ERO1A: variants seen among roughly 807,000 people sequenced by gnomAD.
The protein encoded by ERO1A is endoplasmic reticulum oxidoreductase 1 alpha.
Under a neutral mutation model 76.9 loss-of-function variants are expected in ERO1A, and 49 were observed. The ratio of observed to expected loss-of-function variants is 0.64; its 90% CI spans 0.51 to 0.81. The LOEUF is 0.81. ERO1A is among the 30% of genes least tolerant of loss of function. ERO1A has a pLI of 0.00. For synonymous variants in ERO1A, 174 were observed against 181.2 expected (o/e 0.96, Z 0.32); for missense variants, 448 against 542.1 (o/e 0.83, Z 1.72).
chr14:52,690,381 GTTA>G (rs2041315335), intron 1 of ERO1A, among the ~76,000 whole-genome samples: 1 of 152,194 alleles, frequency 6.6e-6, no homozygotes, highest in Non-Finnish European at 1.5e-5. Flanking sequence ...CTGACAAGAT[GTTA>G]TTATCCAAAA....
At chr14:52,692,974 T>C (rs1435113228) in intron 1 of ERO1A, among the ~76,000 whole-genome samples, 2 of 151,454 alleles carry the variant, frequency 1.3e-5, no homozygotes, top group Admixed American at 6.6e-5. Flanking sequence ...AGAATTGGAA[T>C]TGATAGTCTC....
intron 7 of ERO1A, among the ~76,000 whole-genome samples, chr14:52,664,728 G>C (rs4901292): frequency 2.0e-5 from 3 of 150,070 alleles, no homozygotes; most frequent in African/African-American, 7.3e-5. Flanking sequence ...GTCTCACTCT[G>C]TCACCCAGGC....
chr14:52,682,492 T>A, intron 2 of ERO1A, 84 bp from the exon 3 acceptor site: 2 of 1,024,742 alleles, frequency 2.0e-6, no homozygotes, highest in Non-Finnish European at 2.9e-6. Flanking sequence ...GTGCTATAAC[T>A]TGGTCATGTT....
intron 4 of ERO1A, 145 bp downstream of exon 4, chr14:52,678,289 A>C: frequency 1.9e-6 from 1 of 539,384 alleles, no homozygotes. Flanking sequence ...AACAAAAACA[A>C]ACAGAAAGAG....
At position 52,671,800 on chromosome 14, in the gene ERO1A, A is replaced by C; in HGVS notation, c.429T>G (p.Ser143=). 6.2e-7 allele frequency: 1 copy of C among 1,605,980 alleles called. No homozygotes were observed. The highest frequency in any genetic ancestry group is 8.5e-7 in the Non-Finnish European group (1 of 1,175,904). ...GCTGAAAAATAAAATCAAACCTCAG[A>C]GATTCATCCACTGCTCCAAGTCGTT... ...QAERLGAVDE[S]LSEETQKAVL... The change falls in exon 5 of 16, where the codon TCT becomes TCG. Residue 143 remains serine (S), a synonymous_variant. Transcript: ENST00000395686.
chr14:52,678,553 G>GT, intron 3 of ERO1A, 81 bp from the exon 4 acceptor site: 1 of 1,234,792 alleles, frequency 8.1e-7, no homozygotes, highest in South Asian at 1.3e-5. Context: ...TGATTTATGA[G>GT]AAAAATTCAT....
chr14:52,650,874 A>G (rs1288225123), intron 13 of ERO1A, among the ~76,000 whole-genome samples: 1 of 152,206 alleles, frequency 6.6e-6, no homozygotes, highest in Non-Finnish European at 1.5e-5. Flanking sequence ...AGACCCTATT[A>G]AGAGGCAAGG....
At position 52,640,255 on chromosome 14, in the gene ERO1A, G is replaced by GGAA. The variant is rs10684879; in HGVS notation, c.*3312_*3314dup. The GGAA allele has an allele frequency of 0.11, 17,021 of 152,242 alleles. 1,050 individuals are homozygous for GGAA. Among genetic ancestry groups the GGAA allele is most frequent in the East Asian group, 0.21 (1,067 of 5,174 alleles). 9.4% of individuals were successfully genotyped at this position (152,242 alleles called of 1,614,324 possible). A position where few individuals can be genotyped will look rare whatever the true frequency, so the allele number is the denominator to read the frequency against. The stretch of plus-strand genomic sequence containing the variant: ...GTAATTACAGTGGTGACACGAAAGT[G>GGAA]GAAGTTAGATGACTCTCCTTGAGTG... On this transcript the variant is annotated 3_prime_UTR_variant, in exon 16 of 16. Transcript: ENST00000395686.
chr14:52,687,303 G>C (rs1227716616), intron 1 of ERO1A, among the ~76,000 whole-genome samples: 1 of 152,086 alleles, frequency 6.6e-6, no homozygotes, highest in African/African-American at 2.4e-5. Context: ...GGTGGCATAC[G>C]CCTGCAGTCC....
At position 52,653,231 on chromosome 14, in the gene ERO1A, G is replaced by C. The variant is rs1442785730; in HGVS notation, c.893C>G (p.Pro298Arg). Residue 298 changes from proline (P) to arginine (R), a missense_variant, in exon 12 of 16, where the codon CCA (proline) becomes CGA (arginine). Pro to Arg is a moderately radical substitution (Grantham distance 103). Transcript: ENST00000395686. The stretch of plus-strand genomic sequence containing the variant: ...AAAATACAAGTTCTTAAGCCTTCTT[G>C]GACCTTCTCCTTCAGTCAAAATTCC... The part of the protein sequence containing the change: ...FDGILTEGEG[P>R]RRLKNLYFLY... 1 of 1,612,476 alleles carries C rather than the reference G, an allele frequency of 6.2e-7. No homozygotes were observed. Among genetic ancestry groups the C allele is most frequent in the Non-Finnish European group, 8.5e-7 (1 of 1,178,964 alleles).
At chr14:52,684,245 G>A (rs529907919) in intron 1 of ERO1A, among the ~76,000 whole-genome samples, 1 of 152,032 alleles carries the variant, frequency 6.6e-6, no homozygotes, top group South Asian at 2.1e-4. Context: ...CTCAAACCAG[G>A]TCATGGTCCC....
chr14:52,662,118 A>G (rs537399438), intron 8 of ERO1A, among the ~76,000 whole-genome samples: 1 of 152,262 alleles, frequency 6.6e-6, no homozygotes, highest in African/African-American at 2.4e-5. Context: ...AATATTTACA[A>G]TGGCTATTTT....
intron 15 of ERO1A, 64 bp downstream of exon 15, chr14:52,646,090 A>G: frequency 6.6e-7 from 1 of 1,508,146 alleles, no homozygotes; most frequent in Non-Finnish European, 8.9e-7. Flanking sequence ...GTTTTTTCTG[A>G]GAGCATATAT....
chr14:52,658,184 GAAAAATGCC>G (rs767578735), intron 9 of ERO1A, 34 bp from the exon 10 acceptor site: 28 of 1,418,934 alleles, frequency 2.0e-5, no homozygotes, highest in Non-Finnish European at 2.9e-6. Context: ...CATAAGAATA[GAAAAATGCC>G]AAAATACAAG....
In ERO1A at chr14:52,652,215, A is replaced by G. The variant is rs376916355; in HGVS notation, c.1125+24T>C. The G allele has an allele frequency of 2.0e-5, 27 of 1,377,836 alleles. No individual in the cohort carries two copies. In the African/African-American group the frequency reaches 3.8e-4, roughly 20 times the overall value. 85.4% of individuals were successfully genotyped at this position (1,377,836 alleles called of 1,614,324 possible). A position where few individuals can be genotyped will look rare whatever the true frequency, so the allele number is the denominator to read the frequency against. On this transcript the variant is annotated intron_variant, in intron 13 of 15. Coordinates refer to ENST00000395686, the MANE Select transcript of ERO1A (RefSeq NM_014584.3). ...CATAAGTGTTAATCAGTTTGTATCTAACAGTTAAGTATAAAGTAATTACCT... is the reference window on the plus strand; with the variant it reads ...CATAAGTGTTAATCAGTTTGTATCTGACAGTTAAGTATAAAGTAATTACCT...
chr14:52,666,696 C>T (rs1298851425), intron 6 of ERO1A, among the ~76,000 whole-genome samples: 1 of 152,094 alleles, frequency 6.6e-6, no homozygotes, highest in African/African-American at 2.4e-5. Flanking sequence ...TTTGGGAGGC[C>T]AAGGTGGGCG....
intron 1 of ERO1A, among the ~76,000 whole-genome samples, chr14:52,685,040 G>A (rs1223669688): frequency 6.6e-6 from 1 of 151,912 alleles, no homozygotes; most frequent in Non-Finnish European, 1.5e-5. Flanking sequence ...TATATTTTAG[G>A]AAGATCTATA....
In ERO1A at chr14:52,642,163, A is replaced by C. The variant is rs1343783627; in HGVS notation, c.*1407T>G. On this transcript the variant is annotated 3_prime_UTR_variant, in exon 16 of 16. Coordinates refer to ENST00000395686, the MANE Select transcript of ERO1A (RefSeq NM_014584.3). The stretch of plus-strand genomic sequence containing the variant: ...CCTTCAAATAGCTTTATAAATGAAG[A>C]GCTTCCACTAATGAAAACCTCCCAA... 1 of 152,194 alleles carries C rather than the reference A, an allele frequency of 6.6e-6. No individual in the cohort carries two copies. Among genetic ancestry groups the C allele is most frequent in the Non-Finnish European group, 1.5e-5 (1 of 68,040 alleles). The allele number at this position is 152,194 out of a possible 1,614,324, so 9.4% of individuals were successfully genotyped here. A position where few individuals can be genotyped will look rare whatever the true frequency, so the allele number is the denominator to read the frequency against.
intron 1 of ERO1A, among the ~76,000 whole-genome samples, chr14:52,689,164 G>A (rs1257978782): frequency 2.0e-5 from 3 of 152,138 alleles, no homozygotes; most frequent in African/African-American, 7.2e-5. Flanking sequence ...ATGTTGGTCA[G>A]GCTGGTCTCA....
Sources: allele counts gnomAD v4.1 joint callset (sites outside exome capture counted in the v4.1 genomes callset), GRCh38; gene constraint gnomAD v4.1.1; transcripts MANE v1.5; gene names NCBI Gene and HGNC (gene_info 2026-07-23, HGNC 2026-07-21).